CENPP: variants seen among roughly 807,000 people sequenced by gnomAD.
The protein encoded by CENPP is centromere protein P.
A neutral mutation model predicts 35.6 loss-of-function variants in CENPP; 24 were observed. The observed-to-expected ratio is 0.67, with a 90% CI of 0.49 to 0.95. The LOEUF is 0.95. Among genes scored for constraint, CENPP ranks in the 40% least tolerant of loss-of-function variants. The pLI is 0.00. For synonymous variants in CENPP, 120 were observed against 125.5 expected (o/e 0.96, Z 0.29); for missense variants, 332 against 345.3 (o/e 0.96, Z 0.31).
chr9:92,327,307 A>G (rs1181721423), intron 1 of CENPP, among the ~76,000 whole-genome samples: 4 of 152,248 alleles, frequency 2.6e-5, no homozygotes, highest in Non-Finnish European at 5.9e-5. Flanking sequence ...TATTTCTTAA[A>G]AAGGGTTACA....
chr9:92,553,026 G>T (rs1490102161), intron 5 of CENPP, among the ~76,000 whole-genome samples: 1 of 150,110 alleles, frequency 6.7e-6, no homozygotes, highest in East Asian at 1.9e-4. Flanking sequence ...TTATCTTCTA[G>T]AATTTTTATA....
intron 5 of CENPP, among the ~76,000 whole-genome samples, chr9:92,503,401 C>T (rs550558960): frequency 6.6e-6 from 1 of 152,304 alleles, no homozygotes; most frequent in East Asian, 1.9e-4. Flanking sequence ...GCCGAGCCTC[C>T]AGCTCCCAGG....
rs377123492 is a variant in CENPP, at chr9:92,415,119, G to T, written c.564+35260G>T. 3.4e-6 allele frequency: 5 copies of T among 1,486,684 alleles called. No individual in the cohort carries two copies. In the African/African-American group the frequency reaches 5.6e-5, roughly 17 times the overall value. 92.1% of individuals were successfully genotyped at this position (1,486,684 alleles called of 1,614,324 possible). ...TTACTATATTAAGTATAGGTTTTGT[G>T]AAGTCGTAAGTGTATACCTATATAG... On this transcript the variant is annotated intron_variant, in intron 5 of 7. Coordinates refer to ENST00000375587, the MANE Select transcript of CENPP (RefSeq NM_001012267.3).
chr9:92,581,071 T>A (rs1443136669), intron 5 of CENPP, among the ~76,000 whole-genome samples: 1 of 152,204 alleles, frequency 6.6e-6, no homozygotes, highest in East Asian at 1.9e-4. Context: ...CCATTAGTCA[T>A]TCAGGAGCAG....
intron 4 of CENPP, among the ~76,000 whole-genome samples, chr9:92,351,063 T>A (rs1226282241): frequency 6.6e-6 from 1 of 152,224 alleles, no homozygotes; most frequent in Non-Finnish European, 1.5e-5. Context: ...TTCCTATTTT[T>A]TTACTGTGGC....
At chr9:92,462,926 T>C (rs972991550) in intron 5 of CENPP, among the ~76,000 whole-genome samples, 9 of 152,144 alleles carry the variant, frequency 5.9e-5, no homozygotes, top group Non-Finnish European at 1.3e-4. Flanking sequence ...TGTACAAAGT[T>C]GGAAGAGAAT....
chr9:92,459,804 C>T (rs1845029693), intron 5 of CENPP: 2 of 1,606,524 alleles, frequency 1.2e-6, no homozygotes, highest in East Asian at 4.5e-5. Flanking sequence ...AAGTCTTACA[C>T]AGATGGTTAG....
chr9:92,397,228 T>A (rs1456832097), intron 5 of CENPP, among the ~76,000 whole-genome samples: 1 of 152,028 alleles, frequency 6.6e-6, no homozygotes, highest in African/African-American at 2.4e-5. Context: ...AGAACTTCCT[T>A]ATTTCCTAAC....
rs761956373 is a variant in CENPP at position 92,619,121 on chromosome 9, C to G, written c.*5972C>G. ...GCGCCATGCTGCCACTGTGGGAGAC[C>G]GAGGAACAAGGGCCACAGGTACCCA... On this transcript the variant is annotated 3_prime_UTR_variant, in exon 8 of 8. Transcript: ENST00000375587. 4 of 237,540 alleles carry G rather than the reference C, an allele frequency of 1.7e-5. No individual in the cohort carries two copies. Among genetic ancestry groups the G allele is most frequent in the Non-Finnish European group, 3.3e-5 (4 of 119,442 alleles). The allele number at this position is 237,540 out of a possible 1,614,324, so 14.7% of individuals were successfully genotyped here.
At chr9:92,380,050 T>C (rs1283642700) in intron 5 of CENPP, among the ~76,000 whole-genome samples, 191 bp downstream of exon 5, 1 of 152,258 alleles carries the variant, frequency 6.6e-6, no homozygotes, top group African/African-American at 2.4e-5. Context: ...GAACAATTTA[T>C]GTTGTGGAAT....
chr9:92,424,528 C>T (rs924761281), intron 5 of CENPP: 1 of 152,152 alleles, frequency 6.6e-6, no homozygotes, highest in Non-Finnish European at 1.5e-5. Context: ...AGAATTTCCT[C>T]TAATGTGAAA....
intron 5 of CENPP, among the ~76,000 whole-genome samples, chr9:92,535,027 C>G (rs1465643267): frequency 6.6e-6 from 1 of 152,082 alleles, no homozygotes; most frequent in Non-Finnish European, 1.5e-5. Context: ...TGTGAATGTG[C>G]CAGCTGTGGC....
intron 5 of CENPP, among the ~76,000 whole-genome samples, chr9:92,423,971 A>AT (rs1324357610): frequency 2.0e-5 from 3 of 152,128 alleles, no homozygotes; most frequent in East Asian, 1.9e-4. Context: ...CTAAACAAAG[A>AT]TTTTTTATTG....
At chr9:92,599,370 C>T (rs1000563854) in intron 5 of CENPP, among the ~76,000 whole-genome samples, 20 of 152,098 alleles carry the variant, frequency 1.3e-4, no homozygotes, top group Non-Finnish European at 2.5e-4. Flanking sequence ...CTGTGCCATA[C>T]GGGAGGGATT....
chr9:92,501,000 T>C, intron 5 of CENPP: 2 of 1,614,160 alleles, frequency 1.2e-6, no homozygotes, highest in Non-Finnish European at 1.7e-6. Flanking sequence ...CTTGGGTAGA[T>C]AGGACGGGAC....
chr9:92,388,521 A>G (rs1842530279), intron 5 of CENPP, among the ~76,000 whole-genome samples: 1 of 151,902 alleles, frequency 6.6e-6, no homozygotes, highest in African/African-American at 2.4e-5. Context: ...AACTCAAATT[A>G]ATATTTTCAA....
Position 92,618,631 on chromosome 9 carries a change from T to G in CENPP, c.*5482T>G, listed in dbSNP as rs1334958465. ...CTCATAACTTAGCCCTGTAGGTATT[T>G]CCTTAGGGGATAACAGGAGTTTTCA... On this transcript the variant is annotated 3_prime_UTR_variant, in exon 8 of 8. Coordinates refer to ENST00000375587, the MANE Select transcript of CENPP (RefSeq NM_001012267.3). 2 of 449,602 alleles carry G rather than the reference T, an allele frequency of 4.4e-6. No homozygotes were observed. Among genetic ancestry groups the G allele is most frequent in the Admixed American group, 4.7e-5 (2 of 42,304 alleles). 27.9% of individuals were successfully genotyped at this position (449,602 alleles called of 1,614,324 possible). A position where few individuals can be genotyped will look rare whatever the true frequency, so the allele number is the denominator to read the frequency against.
chr9:92,600,428 A>C, intron 5 of CENPP: 1 of 1,612,536 alleles, frequency 6.2e-7, no homozygotes, highest in Non-Finnish European at 8.5e-7. Context: ...GTTCTTCCCA[A>C]GTCTGTACAA....
chr9:92,441,618 G>T (rs1844390647), intron 5 of CENPP, among the ~76,000 whole-genome samples: 1 of 152,110 alleles, frequency 6.6e-6, no homozygotes, highest in Non-Finnish European at 1.5e-5. Context: ...AGTCAGCCTG[G>T]CATGATAGCG....
Sources: allele counts gnomAD v4.1 joint callset (sites outside exome capture counted in the v4.1 genomes callset), GRCh38; gene constraint gnomAD v4.1.1; transcripts MANE v1.5; gene names NCBI Gene and HGNC (gene_info 2026-07-23, HGNC 2026-07-21).